The following SMCHD1 variants were observed in gnomAD, a reference collection of about 807,000 sequenced individuals.
SMCHD1 encodes the protein structural maintenance of chromosomes flexible hinge domain containing 1.
Under a neutral mutation model 254.7 loss-of-function variants are expected in SMCHD1, and 78 were observed. The ratio of observed to expected loss-of-function variants is 0.31; its 90% CI spans 0.26 to 0.37. SMCHD1 has a LOEUF of 0.37. Ranked by LOEUF, SMCHD1 falls within the 10% of genes least tolerant of loss-of-function variation. The pLI is 1.00. For missense variants in SMCHD1, 1,840 were observed against 2,408.1 expected (o/e 0.76, Z 4.94); for synonymous variants, 766 against 794.9 (o/e 0.96, Z 0.61).
chr18:2,668,590 C>T (rs2073503819), intron 3 of SMCHD1, among the ~76,000 whole-genome samples: 1 of 152,168 alleles, frequency 6.6e-6, no homozygotes, highest in Non-Finnish European at 1.5e-5. Flanking sequence ...CTTCTCCCAT[C>T]TTAAAAACAC....
At position 2,716,891 on chromosome 18, in the gene SMCHD1, A is replaced by G. The variant is rs116129768; in HGVS notation, c.2261-1267A>G. Among the ~76,000 whole-genome samples the G allele has an allele frequency of 8.7e-3, 1,331 of 152,310 alleles. 21 individuals are homozygous for G. The highest frequency in any genetic ancestry group is 0.03 in the African/African-American group (1,261 of 41,568). ...CAGGCTGCAAAACGTCCTGCCAGGG[A>G]CAAAAACCAGGCTCCAGGCCATACC... is the stretch of plus-strand genomic sequence containing the variant. On this transcript the variant is annotated intron_variant, in intron 17 of 47. Transcript: ENST00000320876.
chr18:2,792,203 G>T (rs952196518), intron 45 of SMCHD1, among the ~76,000 whole-genome samples: 4 of 152,172 alleles, frequency 2.6e-5, no homozygotes, highest in African/African-American at 9.7e-5. Flanking sequence ...AAAACAGATT[G>T]TATGTAAGAC....
intron 5 of SMCHD1, among the ~76,000 whole-genome samples, chr18:2,682,529 C>T (rs1005730256): frequency 6.6e-6 from 1 of 152,098 alleles, no homozygotes; most frequent in Non-Finnish European, 1.5e-5. Context: ...ACTATGTTGG[C>T]CAGGCTAGTC....
chr18:2,720,733 C>G (rs2074908316), intron 19 of SMCHD1, among the ~76,000 whole-genome samples: 1 of 152,056 alleles, frequency 6.6e-6, no homozygotes, highest in Non-Finnish European at 1.5e-5. Flanking sequence ...CGTGATTTTC[C>G]TATTTTCAAT....
chr18:2,746,545 T>C (rs1265383285), intron 29 of SMCHD1, among the ~76,000 whole-genome samples: 2 of 152,216 alleles, frequency 1.3e-5, no homozygotes, highest in Non-Finnish European at 2.9e-5. Flanking sequence ...AACTTTATGG[T>C]AGAGGGACAT....
chr18:2,717,620 T>C (rs549895163), intron 17 of SMCHD1, among the ~76,000 whole-genome samples: 3 of 152,230 alleles, frequency 2.0e-5, no homozygotes, highest in Admixed American at 1.3e-4. Flanking sequence ...GGGCCTGTTA[T>C]GCTTTTATGT....
At position 2,802,462 on chromosome 18, in the gene SMCHD1, A is replaced by T. The variant is rs2076380823; in HGVS notation, c.5994-66A>T. The stretch of plus-strand genomic sequence containing the variant: ...TTGGATATTTAAGCATTCAGGTGTG[A>T]TGAGGGAATTCAGGGAAAGGAAACC... On this transcript the variant is annotated intron_variant, in intron 47 of 47. Coordinates refer to ENST00000320876, the MANE Select transcript of SMCHD1 (RefSeq NM_015295.3). 4.1e-5 allele frequency: 51 copies of T among 1,249,356 alleles called. 2 individuals carry two copies. The South Asian group carries it at 6.9e-4, about 17-fold the overall frequency. 77.4% of individuals were successfully genotyped at this position (1,249,356 alleles called of 1,614,324 possible).
rs148806362 is a variant in SMCHD1, at chr18:2,771,875, G to A, written c.5052+257G>A. 3.8e-3 allele frequency among the ~76,000 whole-genome samples: 576 copies of A among 152,192 alleles called. 22 individuals are homozygous for A. The highest frequency in any genetic ancestry group is 0.032 in the Admixed American group (482 of 15,294). On this transcript the variant is annotated intron_variant, in intron 40 of 47. Coordinates refer to ENST00000320876, the MANE Select transcript of SMCHD1 (RefSeq NM_015295.3). ...ATCAGTTCAAGTACTGCATTGAAAA[G>A]GCTGCATAACCACTACACGTGATGG...
rs116129453 is a variant in SMCHD1 at position 2,689,151 on chromosome 18, G to C, written c.873+404G>C. ...AAAATGTTAACAAATTTGAATCTTGGTGGCAAGTAAATGGTATATTTATTG... is the reference window on the plus strand; with the variant it reads ...AAAATGTTAACAAATTTGAATCTTGCTGGCAAGTAAATGGTATATTTATTG... On this transcript the variant is annotated intron_variant, in intron 7 of 47. Coordinates refer to ENST00000320876, the MANE Select transcript of SMCHD1 (RefSeq NM_015295.3). Among the ~76,000 whole-genome samples the C allele has an allele frequency of 4.4e-3, 665 of 151,888 alleles. 5 individuals are homozygous for C. The highest frequency in any genetic ancestry group is 0.016 in the African/African-American group (649 of 41,456).
chr18:2,656,084 G>A lies in SMCHD1; in HGVS notation c.9G>A (p.Ala3=), dbSNP rs773714722. 2 of 1,400,866 alleles carry A rather than the reference G, an allele frequency of 1.4e-6. No homozygotes were observed. Among genetic ancestry groups the A allele is most frequent in the Non-Finnish European group, 1.9e-6 (2 of 1,075,178 alleles). The allele number at this position is 1,400,866 out of a possible 1,614,324, so 86.8% of individuals were successfully genotyped here. Residue 3 remains alanine, a synonymous_variant, in exon 1 of 48, where the codon GCG becomes GCA. Transcript: ENST00000320876. MA[A]ADGGGPGGAS... is the part of the protein sequence containing the mutation. The stretch of plus-strand genomic sequence containing the variant: ...TTCTCCTTTTCCCCAATATGGCAGC[G>A]GCGGACGGCGGCGGGCCTGGTGGGG...
chr18:2,755,167 AC>A (rs2143647433), intron 34 of SMCHD1, among the ~76,000 whole-genome samples: 1 of 151,888 alleles, frequency 6.6e-6, no homozygotes, highest in African/African-American at 2.4e-5. Flanking sequence ...CAATCTTCCT[AC>A]CTCAGCCTCT....
At chr18:2,673,887 T>C (rs2073678066) in intron 4 of SMCHD1, 128 bp from the exon 5 acceptor site, 1 of 885,770 alleles carries the variant, frequency 1.1e-6, no homozygotes, top group Admixed American at 3.2e-5. Context: ...CAGAAAATTG[T>C]ATTAATTTGC....
At chr18:2,761,918 A>G (rs1211220448) in intron 35 of SMCHD1, among the ~76,000 whole-genome samples, 187 bp from the exon 36 acceptor site, 2 of 152,224 alleles carry the variant, frequency 1.3e-5, no homozygotes, top group Admixed American at 1.3e-4. Context: ...CCAAAAATTA[A>G]CCTGACCTAA....
chr18:2,670,293 T>C (rs1160397909), intron 3 of SMCHD1, among the ~76,000 whole-genome samples: 1 of 152,106 alleles, frequency 6.6e-6, no homozygotes, highest in Non-Finnish European at 1.5e-5. Context: ...GGAATGCTTT[T>C]CCTCCAGTTA....
rs371410237 is a variant in SMCHD1 at position 2,708,914 on chromosome 18, T to G, written c.2260+994T>G. 4.5e-4 allele frequency among the ~76,000 whole-genome samples: 23 copies of G among 51,602 alleles called. 1 individual carries two copies. Among genetic ancestry groups the G allele is most frequent in the South Asian group, 2.5e-3 (3 of 1,184 alleles). The allele number at this position is 51,602 out of a possible 152,430, so 33.9% of individuals were successfully genotyped here. On this transcript the variant is annotated intron_variant, in intron 17 of 47. Coordinates refer to ENST00000320876, the MANE Select transcript of SMCHD1 (RefSeq NM_015295.3). ...TATATATATATATATATATAACATA[T>G]TAACATGAAATTTATGAAGTGGCAT...
intron 45 of SMCHD1, among the ~76,000 whole-genome samples, chr18:2,792,763 A>G (rs1188619801): frequency 2.0e-5 from 3 of 152,186 alleles, no homozygotes; most frequent in Admixed American, 6.5e-5. Flanking sequence ...TTTTAAATAA[A>G]GCTATTCTTA....
chr18:2,756,171 A>T (rs192816448), intron 34 of SMCHD1, among the ~76,000 whole-genome samples: 1 of 152,334 alleles, frequency 6.6e-6, no homozygotes, highest in African/African-American at 2.4e-5. Flanking sequence ...ATTATAGTAC[A>T]TTAGTTTTCT....
At chr18:2,758,603 T>C (rs2075725818) in intron 34 of SMCHD1, among the ~76,000 whole-genome samples, 1 of 152,250 alleles carries the variant, frequency 6.6e-6, no homozygotes, top group Non-Finnish European at 1.5e-5. Flanking sequence ...CTGCTGGTGA[T>C]GAATTATCTT....
At chr18:2,758,025 A>G (rs2075715324) in intron 34 of SMCHD1, among the ~76,000 whole-genome samples, 1 of 152,154 alleles carries the variant, frequency 6.6e-6, no homozygotes, top group Non-Finnish European at 1.5e-5. Context: ...CACTTTGGGA[A>G]TCATGAGGAT....
Sources: allele counts gnomAD v4.1 joint callset (sites outside exome capture counted in the v4.1 genomes callset), GRCh38; gene constraint gnomAD v4.1.1; transcripts MANE v1.5; gene names NCBI Gene and HGNC (gene_info 2026-07-23, HGNC 2026-07-21).